Variants in PIEZO1 observed in about 807,000 individuals in gnomAD.
The protein encoded by PIEZO1 is piezo-type mechanosensitive ion channel component 1.
In PIEZO1, 296 loss-of-function variants were observed where a neutral mutation model predicts 297.2. The observed-to-expected ratio is 1.00, with a 90% CI of 0.91 to 1.10. The LOEUF (loss-of-function observed/expected upper bound fraction) is 1.10. Among genes scored for constraint, PIEZO1 ranks in the 50% least tolerant of loss-of-function variants. PIEZO1 has a pLI of 0.00. For synonymous variants in PIEZO1, 2,427 were observed against 1,507.5 expected (o/e 1.61, Z -14.13); for missense variants, 5,018 against 3,455.5 (o/e 1.45, Z -11.34).
rs1009478748 is a variant in PIEZO1 at position 88,722,656 on chromosome 16, G to C, written c.4702C>G (p.Leu1568Val). The stretch of plus-strand genomic sequence containing the variant: ...GTGGCCTCGGCCTGGCTTGTGTACA[G>C]CTGATCCAGCACGCCCCTGTGCACT... Reference protein sequence around the residue: ...GEVHRGVLDQLYTSQAEATLP... With the variant: ...GEVHRGVLDQVYTSQAEATLP... Residue 1568 changes from leucine to valine, a missense_variant, in exon 35 of 51, where the codon CTG becomes GTG. By Grantham distance (32) the Leu-to-Val change is conservative. Transcript: ENST00000301015. 2 of 1,538,510 alleles carry C rather than the reference G, an allele frequency of 1.3e-6. No individual in the cohort carries two copies. The highest frequency in any genetic ancestry group is 3.9e-5 in the Admixed American group (2 of 50,970).
intron 22 of PIEZO1, chr16:88,727,903 G>GGGGTGGGGGC (rs1354835222): frequency 2.9e-6 from 1 of 347,672 alleles, no homozygotes; most frequent in Non-Finnish European, 5.2e-6. Context: ...AGAGAGCACG[G>GGGGTGGGGGC]GGGTGGGGGC....
rs146432823 is a variant in PIEZO1 at position 88,715,838 on chromosome 16, C to G, written c.7333G>C (p.Val2445Leu). The G allele has an allele frequency of 6.5e-7, 1 of 1,550,012 alleles. No homozygotes were observed. The highest frequency in any genetic ancestry group is 1.4e-5 in the African/African-American group (1 of 73,062). The change falls in exon 51 of 51, where the codon GTG (valine) becomes CTG (leucine). Residue 2445 changes from valine (V) to leucine (L), a missense_variant. Transcript: ENST00000301015. Reference sequence around the variant, plus strand: ...TTGCCGATGACCAGCACGATGGACACGTACAGCCCCATGATGCTGCGGGGG... The same window carrying G: ...TTGCCGATGACCAGCACGATGGACAGGTACAGCCCCATGATGCTGCGGGGG... ...LAGYGIMGLY[V>L]SIVLVIGKFV...
At chr16:88,749,809 CTT>C (rs1906291472) in intron 1 of PIEZO1, among the ~76,000 whole-genome samples, 1 of 152,302 alleles carries the variant, frequency 6.6e-6, no homozygotes, top group East Asian at 1.9e-4. Flanking sequence ...GGGCGGATCA[CTT>C]GAGGTCAGGA....
At chr16:88,725,356 C>T (rs1323730899) in intron 29 of PIEZO1, 60 bp downstream of exon 29, 1 of 1,061,686 alleles carries the variant, frequency 9.4e-7, no homozygotes, top group African/African-American at 1.6e-5. Context: ...GCAGCACACG[C>T]CAGCAGGCAC....
intron 1 of PIEZO1, 128 bp from the exon 2 acceptor site, chr16:88,749,607 C>A (rs1432350265): frequency 5.8e-6 from 4 of 693,154 alleles, no homozygotes; most frequent in Non-Finnish European, 9.3e-6. Context: ...CTGCCCTGAG[C>A]CAGAGCCGTG....
At position 88,732,669 on chromosome 16, in the gene PIEZO1, G is replaced by A. The variant is rs1185505377; in HGVS notation, c.2728C>T (p.Pro910Ser). 6.5e-7 allele frequency: 1 copy of A among 1,549,560 alleles called. No individual in the cohort carries two copies. Among genetic ancestry groups the A allele is most frequent in the East Asian group, 2.4e-5 (1 of 40,916 alleles). Reference protein sequence around the residue: ...EISQSLLYRGPVDPANWFGVR... With the variant: ...EISQSLLYRGSVDPANWFGVR... Reference sequence around the variant, plus strand: ...CCAAACCAGTTGGCAGGGTCCACGGGCCCCCGGTACAGCAGGGACTGGCTG... The same window carrying A: ...CCAAACCAGTTGGCAGGGTCCACGGACCCCCGGTACAGCAGGGACTGGCTG... The change falls in exon 20 of 51, where the codon CCC becomes TCC. Residue 910 changes from proline to serine, a missense_variant. Coordinates refer to ENST00000301015, the MANE Select transcript of PIEZO1 (RefSeq NM_001142864.4).
chr16:88,741,699 G>A lies in PIEZO1; in HGVS notation c.327-83C>T, dbSNP rs190691890. On this transcript the variant is annotated intron_variant, in intron 4 of 50. Coordinates refer to ENST00000301015, the MANE Select transcript of PIEZO1 (RefSeq NM_001142864.4). Reference sequence around the variant, plus strand: ...GTGGATGGGTCTCCAGGTGCGGGTGGGAGTGTGGATGGGTCTCCAGGTGCG... The same window carrying A: ...GTGGATGGGTCTCCAGGTGCGGGTGAGAGTGTGGATGGGTCTCCAGGTGCG... 9.8e-5 allele frequency: 115 copies of A among 1,172,686 alleles called. 1 individual carries two copies. Among genetic ancestry groups the A allele is most frequent in the South Asian group, 3.1e-4 (21 of 68,500 alleles). The allele number at this position is 1,172,686 out of a possible 1,614,324, so 72.6% of individuals were successfully genotyped here. A position where few individuals can be genotyped will look rare whatever the true frequency, so the allele number is the denominator to read the frequency against.
At chr16:88,761,969 G>A (rs1280719198) in intron 1 of PIEZO1, among the ~76,000 whole-genome samples, 1 of 152,236 alleles carries the variant, frequency 6.6e-6, no homozygotes, top group Non-Finnish European at 1.5e-5. Flanking sequence ...GCGCAGGTGG[G>A]TTCCTCGCCA....
rs141141116 is a variant in PIEZO1, at chr16:88,779,912, C to T, written c.64+4989G>A. On this transcript the variant is annotated intron_variant, in intron 1 of 50. Transcript: ENST00000301015. The stretch of plus-strand genomic sequence containing the variant: ...GGAATTCTGAGCCTTCCGGGGGGGA[C>T]GGCTGTCCCGCCCCTACCCCCACCC... 4.4e-3 allele frequency among the ~76,000 whole-genome samples: 667 copies of T among 152,282 alleles called. 5 individuals carry two copies. The highest frequency in any genetic ancestry group is 0.015 in the African/African-American group (617 of 41,564).
rs1229857034 is a variant in PIEZO1 at position 88,715,519 on chromosome 16, G to A, written c.*86C>T. 11 of 1,354,210 alleles carry A rather than the reference G, an allele frequency of 8.1e-6. No homozygotes were observed. Among genetic ancestry groups the A allele is most frequent in the East Asian group, 2.5e-5 (1 of 39,836 alleles). 83.9% of individuals were successfully genotyped at this position (1,354,210 alleles called of 1,614,324 possible). On this transcript the variant is annotated 3_prime_UTR_variant, in exon 51 of 51. Transcript: ENST00000301015. ...GCTGGCGGCCTTGGACGGGGCAGTG[G>A]CTCCCCCGGCCTGAGGAGTGCCGCC...
intron 1 of PIEZO1, among the ~76,000 whole-genome samples, chr16:88,782,911 AC>A (rs1908000734): frequency 6.6e-6 from 1 of 152,212 alleles, no homozygotes; most frequent in Non-Finnish European, 1.5e-5. Flanking sequence ...GAGAGAAAAC[AC>A]TGAGTGAGGC....
chr16:88,731,414 C>G lies in PIEZO1; in HGVS notation c.3196+292G>C, dbSNP rs566306754. 2.1e-5 allele frequency: 9 copies of G among 427,820 alleles called. No homozygotes were observed. In the Admixed American group the frequency reaches 3.7e-4, roughly 17 times the overall value. The allele number at this position is 427,820 out of a possible 1,614,324, so 26.5% of individuals were successfully genotyped here. On this transcript the variant is annotated intron_variant, in intron 22 of 50. Coordinates refer to ENST00000301015, the MANE Select transcript of PIEZO1 (RefSeq NM_001142864.4). ...ACCCGCACGGGGCCCGGAGAGGACG[C>G]AGTGCTCCTTGTGTGACTCACAACT...
intron 1 of PIEZO1, among the ~76,000 whole-genome samples, chr16:88,779,702 G>A (rs1044682805): frequency 2.0e-5 from 3 of 152,210 alleles, no homozygotes; most frequent in African/African-American, 4.8e-5. Flanking sequence ...GAGGGAGGCC[G>A]ACAGCCCCAC....
At chr16:88,733,134 G>A in intron 19 of PIEZO1, 144 bp downstream of exon 19, 1 of 737,738 alleles carries the variant, frequency 1.4e-6, no homozygotes, top group South Asian at 1.9e-5. Flanking sequence ...CTGCCTCCAG[G>A]AAGCCCCCTT....
At chr16:88,775,317 C>T (rs1320686282) in intron 1 of PIEZO1, among the ~76,000 whole-genome samples, 1 of 152,226 alleles carries the variant, frequency 6.6e-6, no homozygotes, top group East Asian at 1.9e-4. Context: ...AGGCCCAACA[C>T]AGGCTGAATG....
Position 88,781,931 on chromosome 16 carries a change from G to T in PIEZO1, c.64+2970C>A, listed in dbSNP as rs187439054. The stretch of plus-strand genomic sequence containing the variant: ...CTTGCCGGCCGTGGGTGTGCCCCTA[G>T]GCTGTGCCACGAGGCACCCTGAAAA... On this transcript the variant is annotated intron_variant, in intron 1 of 50. Transcript: ENST00000301015. Among the ~76,000 whole-genome samples the T allele has an allele frequency of 2.0e-3, 299 of 152,314 alleles. 2 individuals carry two copies. Among genetic ancestry groups the T allele is most frequent in the Non-Finnish European group, 3.3e-3 (224 of 67,994 alleles).
chr16:88,779,454 C>T (rs955464282), intron 1 of PIEZO1, among the ~76,000 whole-genome samples: 5 of 152,156 alleles, frequency 3.3e-5, no homozygotes, highest in South Asian at 4.1e-4. Flanking sequence ...AATGACCGTG[C>T]GGGGCCCCCA....
chr16:88,724,850 G>C (rs921357389), intron 30 of PIEZO1, among the ~76,000 whole-genome samples, 159 bp downstream of exon 30: 9 of 152,180 alleles, frequency 5.9e-5, no homozygotes, highest in Admixed American at 3.9e-4. Flanking sequence ...GGGGTCTGCA[G>C]CCAGTGAGGC....
At chr16:88,779,450 C>T (rs551666345) in intron 1 of PIEZO1, among the ~76,000 whole-genome samples, 9 of 152,274 alleles carry the variant, frequency 5.9e-5, no homozygotes, top group African/African-American at 1.2e-4. Context: ...CAGCAATGAC[C>T]GTGCGGGGCC....
Sources: gnomAD v4.1 joint callset for allele counts (sites outside exome capture counted in the v4.1 genomes callset) on GRCh38, gnomAD v4.1.1 for gene constraint, MANE v1.5 for transcripts, NCBI Gene and HGNC (gene_info 2026-07-23, HGNC 2026-07-21) for gene names.